The following TENM1 variants were observed in gnomAD, a reference collection of about 807,000 sequenced individuals.
TENM1 encodes teneurin transmembrane protein 1.
Under a neutral mutation model 174.8 loss-of-function variants are expected in TENM1, and 35 were observed. The ratio of observed to expected loss-of-function variants is 0.20; its 90% CI spans 0.15 to 0.27. The LOEUF (loss-of-function observed/expected upper bound fraction) is 0.27. TENM1 is among the 10% of genes least tolerant of loss of function. The pLI, the probability that TENM1 is intolerant of heterozygous loss-of-function variation, is 1.00. For synonymous variants in TENM1, 781 were observed against 798.7 expected (o/e 0.98, Z 0.37); for missense variants, 1,633 against 2,130.1 (o/e 0.77, Z 4.59).
intron 1 of TENM1, among the ~76,000 whole-genome samples, chrX:124,958,269 T>C (rs773958392): frequency 8.9e-6 from 1 of 112,021 alleles, no homozygotes; most frequent in South Asian, 3.7e-4. Flanking sequence ...TTTTGGAAAA[T>C]AAAGATAATA....
intron 20 of TENM1, among the ~76,000 whole-genome samples, chrX:124,491,425 C>A (rs1182095472): frequency 1.8e-5 from 2 of 111,635 alleles, no homozygotes; most frequent in Non-Finnish European, 3.8e-5. Flanking sequence ...CCTAAACTAT[C>A]TCACATAGAA....
intron 14 of TENM1, among the ~76,000 whole-genome samples, chrX:124,550,572 CAT>C (rs2048536577): frequency 1.0e-5 from 1 of 97,148 alleles, no homozygotes; most frequent in Admixed American, 1.2e-4. Context: ...ACCTGGGAGT[CAT>C]ATGAACACCT....
At chrX:125,090,426 G>A in the TENM1 span, among the ~76,000 whole-genome samples, 1 of 109,268 alleles carries the variant, frequency 9.2e-6, no homozygotes, top group African/African-American at 3.4e-5. Context: ...CACGTGCATC[G>A]CTTGAGGCCA....
the TENM1 span, among the ~76,000 whole-genome samples, chrX:125,091,577 C>T: frequency 9.0e-6 from 1 of 111,199 alleles, no homozygotes; most frequent in African/African-American, 3.3e-5. Flanking sequence ...AAGACACCTG[C>T]CCTCAGGTAG....
At chrX:124,384,510 C>T (rs1468716847) in exon 30 of TENM1, 5 of 1,210,617 alleles carry the variant, frequency 4.1e-6, no homozygotes, top group Non-Finnish European at 5.6e-6. Context: ...TCACATATTA[C>T]CATGCGGCCC....
chrX:124,879,164 T>C (rs778404670), intron 3 of TENM1, among the ~76,000 whole-genome samples: 1 of 112,021 alleles, frequency 8.9e-6, no homozygotes, highest in South Asian at 3.7e-4. Flanking sequence ...TTTTGAAATA[T>C]ACAATACATT....
At chrX:125,139,856 ACG>A in the TENM1 span, among the ~76,000 whole-genome samples, 3 of 43,903 alleles carry the variant, frequency 6.8e-5, no homozygotes, top group African/African-American at 2.8e-4. Flanking sequence ...ACACACACAC[ACG>A]GAGAGAGAGA....
chrX:124,627,109 T>G (rs962088419), intron 11 of TENM1, among the ~76,000 whole-genome samples: 2 of 111,643 alleles, frequency 1.8e-5, no homozygotes, highest in Non-Finnish European at 3.8e-5. Context: ...GTAAGGAGGC[T>G]GAGAGGTGGT....
intron 19 of TENM1, among the ~76,000 whole-genome samples, chrX:124,497,841 G>C (rs756099866): frequency 2.7e-5 from 3 of 111,621 alleles, no homozygotes; most frequent in Admixed American, 9.5e-5. Flanking sequence ...GGACCATATC[G>C]CACTATCATC....
intron 3 of TENM1, among the ~76,000 whole-genome samples, chrX:124,854,572 T>C (rs2147411399): frequency 8.9e-6 from 1 of 111,813 alleles, no homozygotes; most frequent in East Asian, 2.8e-4. Context: ...GATTTATCAG[T>C]CCAAACCAAA....
the TENM1 span, among the ~76,000 whole-genome samples, chrX:125,069,346 G>A: frequency 1.8e-5 from 2 of 111,720 alleles, no homozygotes; most frequent in Non-Finnish European, 3.8e-5. Flanking sequence ...TCTTTCTATG[G>A]ATGCATGGTA....
chrX:124,671,969 C>G, intron 5 of TENM1, 134 bp from the exon 9 acceptor site: 1 of 566,462 alleles, frequency 1.8e-6, no homozygotes. Flanking sequence ...GAGTTTATAC[C>G]TATACATCAT....
At position 124,419,052 on chromosome X, in the gene TENM1, A is replaced by T. The variant is rs760534052; in HGVS notation, c.4982+1259T>A. On this transcript the variant is annotated intron_variant, in intron 25 of 31. Transcript: ENST00000422452. ...GTCACATATGTAAATTACCTAGCCC[A>T]GTACCTGGCACTTAGTAAATCTTTA... is the stretch of plus-strand genomic sequence containing the variant. Among the ~76,000 whole-genome samples, 9 of 112,100 alleles carry T rather than the reference A, an allele frequency of 8.0e-5. No individual in the cohort carries two copies. In the East Asian group the frequency reaches 2.5e-3, roughly 31 times the overall value.
At chrX:124,654,951 AAAG>A (rs1271735848) in intron 6 of TENM1, among the ~76,000 whole-genome samples, 1 of 112,097 alleles carries the variant, frequency 8.9e-6, no homozygotes, top group Non-Finnish European at 1.9e-5. Context: ...ATGTGAATGG[AAAG>A]AAGGAGAAGA....
chrX:125,019,400 G>A, the TENM1 span, among the ~76,000 whole-genome samples: 2 of 110,923 alleles, frequency 1.8e-5, no homozygotes, highest in Non-Finnish European at 3.8e-5. Context: ...CACCAAATAT[G>A]AATATCATGT....
At chrX:124,399,305 A>C (rs1390442284) in intron 27 of TENM1, among the ~76,000 whole-genome samples, 1 of 112,191 alleles carries the variant, frequency 8.9e-6, no homozygotes, top group East Asian at 2.8e-4. Context: ...GGCAGTATAC[A>C]TGGTAAGGCT....
chrX:124,394,519 T>C (rs1010075441), intron 27 of TENM1, among the ~76,000 whole-genome samples: 1 of 111,947 alleles, frequency 8.9e-6, no homozygotes, highest in African/African-American at 3.2e-5. Flanking sequence ...ACTCTGGTCT[T>C]CCTTTGTTCA....
chrX:125,195,741 T>G, the TENM1 span, among the ~76,000 whole-genome samples: 1 of 110,936 alleles, frequency 9.0e-6, no homozygotes, highest in Non-Finnish European at 1.9e-5. Flanking sequence ...AGTGTGACAT[T>G]ATAGCCCCTA....
At chrX:124,670,879 A>G (rs982956055) in intron 6 of TENM1, among the ~76,000 whole-genome samples, 3 of 111,490 alleles carry the variant, frequency 2.7e-5, no homozygotes, top group Non-Finnish European at 3.8e-5. Flanking sequence ...TCATTTATTT[A>G]CGTTTGGTCT....
Sources: gnomAD v4.1 joint callset for allele counts (sites outside exome capture counted in the v4.1 genomes callset) on GRCh38, gnomAD v4.1.1 for gene constraint, MANE v1.5 for transcripts, NCBI Gene and HGNC (gene_info 2026-07-23, HGNC 2026-07-21) for gene names.